Variants in USP45 observed in about 807,000 individuals in gnomAD.
USP45 encodes the protein ubiquitin specific peptidase 45, also known as ubiquitin carboxyl-terminal hydrolase 45.
Under a neutral mutation model 95.8 loss-of-function variants are expected in USP45, and 89 were observed. The ratio of observed to expected loss-of-function variants is 0.93; its 90% confidence interval spans 0.78 to 1.11. The LOEUF is 1.11. Ranked by LOEUF, USP45 falls within the 50% of genes least tolerant of loss-of-function variation. The pLI is 0.00. For synonymous variants in USP45, 281 were observed against 316.2 expected (o/e 0.89, Z 1.18); for missense variants, 898 against 942.5 (o/e 0.95, Z 0.62).
In USP45 at chr6:99,433,049, G is replaced by T. The variant is rs2128511110; in HGVS notation, c.*2667C>A. ...CACTCCGTCACTCTGCAGGAATGCA[G>T]TGGTGTGATCATGGTTCACTGCACC... On this transcript the variant is annotated 3_prime_UTR_variant, in exon 18 of 18. Transcript: ENST00000500704. The T allele has an allele frequency of 6.6e-6, 1 of 152,262 alleles. No individual in the cohort carries two copies. Among genetic ancestry groups the T allele is most frequent in the African/African-American group, 2.4e-5 (1 of 41,532 alleles). The allele number at this position is 152,262 out of a possible 1,614,324, so 9.4% of individuals were successfully genotyped here. A position where few individuals can be genotyped will look rare whatever the true frequency, so the allele number is the denominator to read the frequency against.
chr6:99,492,666 A>AT (rs5878582), intron 5 of USP45, among the ~76,000 whole-genome samples: 129,255 of 151,518 alleles, frequency 0.85, 55,842 homozygotes, highest in East Asian at 1. Context: ...AACTTTTTGT[A>AT]TTTTTAGTAG....
chr6:99,507,232 G>C (rs532678865), intron 4 of USP45, among the ~76,000 whole-genome samples, 196 bp downstream of exon 4: 4 of 152,168 alleles, frequency 2.6e-5, no homozygotes, highest in South Asian at 4.1e-4. Flanking sequence ...TAGAGAGATA[G>C]TTAAAATTTT....
intron 17 of USP45, 114 bp from the exon 18 acceptor site, chr6:99,435,960 G>T: frequency 9.0e-7 from 1 of 1,111,996 alleles, no homozygotes; most frequent in Non-Finnish European, 1.2e-6. Flanking sequence ...AATTTTACCT[G>T]AGAAGCCTGT....
intron 7 of USP45, among the ~76,000 whole-genome samples, 200 bp from the exon 8 acceptor site, chr6:99,483,083 C>T (rs1019542667): frequency 6.6e-6 from 1 of 152,056 alleles, no homozygotes; most frequent in African/African-American, 2.4e-5. Flanking sequence ...TTTTCATATC[C>T]TCTGCCCTTT....
chr6:99,507,306 T>G (rs368623881), intron 4 of USP45, 122 bp downstream of exon 4: 21 of 529,878 alleles, frequency 4.0e-5, no homozygotes, highest in East Asian at 1.8e-4. Flanking sequence ...TAGATTGTGT[T>G]CAGGTTAAAA....
intron 1 of USP45, among the ~76,000 whole-genome samples, chr6:99,513,537 CTG>C (rs1320082909): frequency 2.0e-5 from 3 of 152,150 alleles, no homozygotes; most frequent in Non-Finnish European, 4.4e-5. Context: ...CTATGAGAAA[CTG>C]ATTATATTTT....
chr6:99,495,372 TA>T (rs1350323414), intron 5 of USP45, among the ~76,000 whole-genome samples: 3 of 152,232 alleles, frequency 2.0e-5, no homozygotes, highest in Non-Finnish European at 4.4e-5. Flanking sequence ...TTGCCTTGGT[TA>T]AACCAAAAGT....
At position 99,442,201 on chromosome 6, in the gene USP45, G is replaced by A. The variant is rs184317211; in HGVS notation, c.2073+1364C>T. 3.9e-4 allele frequency among the ~76,000 whole-genome samples: 60 copies of A among 152,286 alleles called. No homozygotes were observed. In the Middle Eastern group the frequency reaches 0.02, roughly 52 times the overall value. On this transcript the variant is annotated intron_variant, in intron 15 of 17. Coordinates refer to ENST00000500704, the MANE Select transcript of USP45 (RefSeq NM_001346022.3). ...CAAGTACCAAATATAAAATAACTGC[G>A]GTGCATCATGAAATTAGCTTCTGCA...
At chr6:99,507,965 G>A (rs1028207495) in intron 3 of USP45, among the ~76,000 whole-genome samples, 1 of 152,204 alleles carries the variant, frequency 6.6e-6, no homozygotes, top group Non-Finnish European at 1.5e-5. Flanking sequence ...AATGCAACAT[G>A]AGGGGAAGTC....
chr6:99,490,929 A>C (rs1286613714), intron 5 of USP45, among the ~76,000 whole-genome samples: 1 of 152,206 alleles, frequency 6.6e-6, no homozygotes, highest in Non-Finnish European at 1.5e-5. Context: ...TTTAAGTTCT[A>C]ACAACTTTTA....
chr6:99,479,220 CAATAG>C (rs59137646), intron 8 of USP45, among the ~76,000 whole-genome samples: 112,518 of 151,358 alleles, frequency 0.74, 41,941 homozygotes, highest in South Asian at 0.88. Context: ...AAAACTTATC[CAATAG>C]TATATTTTAT....
chr6:99,500,954 G>C (rs548017736), intron 5 of USP45, among the ~76,000 whole-genome samples: 182 of 152,198 alleles, frequency 1.2e-3, no homozygotes, highest in African/African-American at 4.2e-3. Context: ...TGTACACTGG[G>C]CTATAGAAAA....
chr6:99,480,393 C>A (rs1792087750), intron 8 of USP45, among the ~76,000 whole-genome samples: 1 of 152,048 alleles, frequency 6.6e-6, no homozygotes. Flanking sequence ...AGCAAAGGAC[C>A]GGCCAGGCGC....
chr6:99,484,344 T>G (rs776470900), intron 7 of USP45, among the ~76,000 whole-genome samples: 13 of 149,884 alleles, frequency 8.7e-5, no homozygotes, highest in African/African-American at 1.2e-4. Context: ...ATTTTTAAAA[T>G]TTTTGTAGAG....
Position 99,434,927 on chromosome 6 carries a change from T to C in USP45, c.*789A>G, listed in dbSNP as rs570748412. 5.9e-4 allele frequency: 90 copies of C among 152,340 alleles called. No individual in the cohort carries two copies. Among genetic ancestry groups the C allele is most frequent in the Admixed American group, 5.8e-3 (89 of 15,298 alleles). The allele number at this position is 152,340 out of a possible 1,614,324, so 9.4% of individuals were successfully genotyped here. A position where few individuals can be genotyped will look rare whatever the true frequency, so the allele number is the denominator to read the frequency against. ...CACCATGAAGAGGGTGCAAGAGATA[T>C]GTTTATGAAATGCCTCAATATAATT... On this transcript the variant is annotated 3_prime_UTR_variant, in exon 18 of 18. Transcript: ENST00000500704.
Position 99,466,520 on chromosome 6 carries a change from AGT to A in USP45, c.1107+150_1107+151del. 4.8e-6 allele frequency: 3 copies of A among 627,954 alleles called. No homozygotes were observed. The South Asian group carries it at 5.8e-5, about 12-fold the overall frequency. The allele number at this position is 627,954 out of a possible 1,614,324, so 38.9% of individuals were successfully genotyped here. A position where few individuals can be genotyped will look rare whatever the true frequency, so the allele number is the denominator to read the frequency against. Reference sequence around the variant, plus strand: ...TAAATTATCACATTTACTTTCTAGGAGTGTAGCGTATAAAAAGACTTTCAAGA... The same window carrying A: ...TAAATTATCACATTTACTTTCTAGGAGTAGCGTATAAAAAGACTTTCAAGA... On this transcript the variant is annotated intron_variant, in intron 11 of 17. Coordinates refer to ENST00000500704, the MANE Select transcript of USP45 (RefSeq NM_001346022.3).
At position 99,434,408 on chromosome 6, in the gene USP45, G is replaced by A. The variant is rs1582906665; in HGVS notation, c.*1308C>T. 6.6e-6 allele frequency: 1 copy of A among 152,220 alleles called. No homozygotes were observed. The highest frequency in any genetic ancestry group is 2.4e-5 in the African/African-American group (1 of 41,538). 9.4% of individuals were successfully genotyped at this position (152,220 alleles called of 1,614,324 possible). On this transcript the variant is annotated 3_prime_UTR_variant, in exon 18 of 18. Transcript: ENST00000500704. ...GCACTTGCCTGCACTATCATTCATT[G>A]GCACTAATGATTAGGATGCTTGAAC... is the stretch of plus-strand genomic sequence containing the variant.
intron 9 of USP45, among the ~76,000 whole-genome samples, chr6:99,473,777 A>AACACACACAC (rs60031754): frequency 0.19 from 23,829 of 127,656 alleles, 2,556 homozygotes; most frequent in Non-Finnish European, 0.22. Flanking sequence ...AAAAAAACAA[A>AACACACACAC]ACACACACAC....
chr6:99,473,777 A>AACACACACACGCACACACACAC, intron 9 of USP45, among the ~76,000 whole-genome samples: 1 of 127,746 alleles, frequency 7.8e-6, no homozygotes, highest in Non-Finnish European at 1.6e-5. Context: ...AAAAAAACAA[A>AACACACACACGCACACACACAC]ACACACACAC....
Sources: allele counts gnomAD v4.1 joint callset (sites outside exome capture counted in the v4.1 genomes callset), GRCh38; gene constraint gnomAD v4.1.1; transcripts MANE v1.5; gene names NCBI Gene and HGNC (gene_info 2026-07-23, HGNC 2026-07-21).